The following ESPL1 variants were observed in gnomAD, a reference collection of about 807,000 sequenced individuals.
The protein encoded by ESPL1 is separin.
A neutral mutation model predicts 217.2 loss-of-function variants in ESPL1; 50 were observed. That is an observed-to-expected ratio of 0.23 (90% CI 0.18 to 0.29). The LOEUF is 0.29. ESPL1 is among the 10% of genes least tolerant of loss of function. The pLI, the probability that ESPL1 is intolerant of heterozygous loss-of-function variation, is 1.00. For missense variants in ESPL1, 1,834 were observed against 2,603.0 expected (o/e 0.70, Z 6.43); for synonymous variants, 994 against 1,081.3 (o/e 0.92, Z 1.58).
At chr12:53,271,525 G>A (rs1355571798) in intron 5 of ESPL1, among the ~76,000 whole-genome samples, 1 of 151,942 alleles carries the variant, frequency 6.6e-6, no homozygotes, top group Non-Finnish European at 1.5e-5. Context: ...GCCAGGCAAG[G>A]TGGTGCATGC....
At chr12:53,270,857 G>C in intron 5 of ESPL1, 59 bp downstream of exon 5, 1 of 1,597,120 alleles carries the variant, frequency 6.3e-7, no homozygotes. Context: ...CATTAGGCAG[G>C]TGAATAGTAC....
At position 53,293,612 on chromosome 12, in the gene ESPL1, C is replaced by G; in HGVS notation, c.*138C>G. 3 of 669,830 alleles carry G rather than the reference C, an allele frequency of 4.5e-6. No individual in the cohort carries two copies. Among genetic ancestry groups the G allele is most frequent in the Non-Finnish European group, 7.6e-6 (3 of 392,480 alleles). The allele number at this position is 669,830 out of a possible 1,614,324, so 41.5% of individuals were successfully genotyped here. A position where few individuals can be genotyped will look rare whatever the true frequency, so the allele number is the denominator to read the frequency against. ...GAAACATTTCCTTTTGATTTAACCT[C>G]AGTATAATAAAGATACATCATTTAA... On this transcript the variant is annotated 3_prime_UTR_variant, in exon 31 of 31. Coordinates refer to ENST00000257934, the MANE Select transcript of ESPL1 (RefSeq NM_012291.5). The surrounding 1 kb of genome is among the most constrained non-coding windows in gnomAD (Gnocchi z 4.2).
intron 6 of ESPL1, chr12:53,274,147 C>A (rs1364630761): frequency 6.6e-6 from 1 of 152,220 alleles, no homozygotes; most frequent in Non-Finnish European, 1.5e-5. Context: ...AGCCACCGCG[C>A]TGGGCAAGAA....
rs756195727 is a variant in ESPL1 at position 53,293,429 on chromosome 12, T to A, written c.6318T>A (p.Ile2106=). ...ARQAPRLKYL[I]GAAPIAYGLP... ...AAGCTCCCCGACTCAAGTATCTTAT[T>A]GGGGCTGCACCTATAGCCTATGGCT... The change falls in exon 31 of 31, where the codon ATT becomes ATA. Residue 2106 remains isoleucine, a synonymous_variant. Transcript: ENST00000257934. The surrounding 1 kb of genome is among the most constrained non-coding windows in gnomAD (Gnocchi z 4.2). 23 of 1,614,050 alleles carry A rather than the reference T, an allele frequency of 1.4e-5. No individual in the cohort carries two copies. In the Admixed American group the frequency reaches 3.7e-4, roughly 26 times the overall value.
At position 53,275,059 on chromosome 12, in the gene ESPL1, T is replaced by C. The variant is rs758496811; in HGVS notation, c.1700+49T>C. ...GGCTCATGCTTGTAATCCCAGCACT[T>C]TGGGAAGCCGAGGCGGGTGGATCAC... On this transcript the variant is annotated intron_variant, in intron 7 of 30. Transcript: ENST00000257934. 4 of 1,431,378 alleles carry C rather than the reference T, an allele frequency of 2.8e-6. No homozygotes were observed. In the African/African-American group the frequency reaches 5.8e-5, roughly 21 times the overall value. The allele number at this position is 1,431,378 out of a possible 1,614,324, so 88.7% of individuals were successfully genotyped here. A position where few individuals can be genotyped will look rare whatever the true frequency, so the allele number is the denominator to read the frequency against.
At chr12:53,270,184 G>T in intron 3 of ESPL1, 99 bp downstream of exon 3, 1 of 1,127,224 alleles carries the variant, frequency 8.9e-7, no homozygotes, top group Non-Finnish European at 1.3e-6. Flanking sequence ...CTCCCTCCTT[G>T]TTAAGCTGCT....
chr12:53,283,546 C>T lies in ESPL1; in HGVS notation c.3077+8C>T. 1 of 1,613,252 alleles carries T rather than the reference C, an allele frequency of 6.2e-7. No homozygotes were observed. Among genetic ancestry groups the T allele is most frequent in the Non-Finnish European group, 8.5e-7 (1 of 1,179,576 alleles). The stretch of plus-strand genomic sequence containing the variant: ...GCTGCAGATACCACGCCAGTAAGTA[C>T]AGGGCCAGAGGATATGGCAATGATG... On this transcript the variant is annotated splice_region_variant and intron_variant, in intron 16 of 30. Coordinates refer to ENST00000257934, the MANE Select transcript of ESPL1 (RefSeq NM_012291.5).
chr12:53,281,434 AC>A (rs1425615770), intron 12 of ESPL1, 72 bp from the exon 13 acceptor site: 2 of 1,516,736 alleles, frequency 1.3e-6, no homozygotes, highest in Non-Finnish European at 1.8e-6. Context: ...CCACATGGCC[AC>A]CCTTATTTAC....
At chr12:53,285,010 CAAAAAA>C (rs546915854) in intron 17 of ESPL1, among the ~76,000 whole-genome samples, 40 of 100,470 alleles carry the variant, frequency 4.0e-4, no homozygotes, top group Admixed American at 1.0e-3. Flanking sequence ...GACTCTGACT[CAAAAAA>C]AAAAAAAAAA....
In ESPL1 at chr12:53,277,481, G is replaced by T; in HGVS notation, c.2097G>T (p.Arg699=). The change falls in exon 10 of 31, where the codon CGG becomes CGT. Residue 699 remains arginine (R), a synonymous_variant. Coordinates refer to ENST00000257934, the MANE Select transcript of ESPL1 (RefSeq NM_012291.5). ...LEAKMQEGIE[R]DRRAQAPGNL... is the part of the protein sequence containing the mutation. ...ATCTTCCCATCCAGGGTATCGAGCG[G>T]GATCGGAGAGCCCAGGCCCCTGGTA... The T allele has an allele frequency of 6.2e-7, 1 of 1,614,048 alleles. No individual in the cohort carries two copies. Among genetic ancestry groups the T allele is most frequent in the Non-Finnish European group, 8.5e-7 (1 of 1,179,988 alleles).
Position 53,269,938 on chromosome 12 carries a change from A to C in ESPL1, c.996A>C (p.Pro332=). The stretch of plus-strand genomic sequence containing the variant: ...AGAGTATGGAGGCACCATCACCCCC[A>C]CTTCGGGCATTGTATGAGAGCTGCC... ...LSKSMEAPSP[P]LRALYESCQF... The change falls in exon 3 of 31, where the codon CCA becomes CCC. Residue 332 remains proline, a synonymous_variant. Transcript: ENST00000257934. The surrounding 1 kb of genome is among the most constrained non-coding windows in gnomAD (Gnocchi z 6.7). 1 of 1,614,058 alleles carries C rather than the reference A, an allele frequency of 6.2e-7. No individual in the cohort carries two copies. The highest frequency in any genetic ancestry group is 8.5e-7 in the Non-Finnish European group (1 of 1,180,000).
intron 17 of ESPL1, 46 bp downstream of exon 17, chr12:53,284,213 C>A: frequency 9.6e-7 from 1 of 1,046,672 alleles, no homozygotes; most frequent in Non-Finnish European, 1.5e-6. Flanking sequence ...TGAAATGACA[C>A]ACACTACAGC....
At chr12:53,268,566 G>C (rs1010861378) in intron 1 of ESPL1, among the ~76,000 whole-genome samples, 189 bp downstream of exon 1, 6 of 152,222 alleles carry the variant, frequency 3.9e-5, no homozygotes, top group Admixed American at 3.3e-4. Flanking sequence ...AGTGCGGTCG[G>C]GGATCTGCCC....
chr12:53,277,841 C>G lies in ESPL1; in HGVS notation c.2245C>G (p.Gln749Glu). ...AACAGCTCAGTCCAAATGCCTGGAC[C>G]AAGCCCTGGCCCTGTGGAAGGAGCT... The part of the protein sequence containing the change: ...ADAAQSKCLD[Q>E]ALALWKELLT... Residue 749 changes from glutamine (Q) to glutamate (E), a missense_variant, in exon 11 of 31, where the codon CAA (glutamine) becomes GAA (glutamate). Coordinates refer to ENST00000257934, the MANE Select transcript of ESPL1 (RefSeq NM_012291.5). 6.2e-7 allele frequency: 1 copy of G among 1,614,158 alleles called. No individual in the cohort carries two copies. Among genetic ancestry groups the G allele is most frequent in the East Asian group, 2.2e-5 (1 of 44,886 alleles).
rs948944019 is a variant in ESPL1, at chr12:53,290,488, G to A, written c.5364+19G>A. On this transcript the variant is annotated intron_variant, in intron 24 of 30. Coordinates refer to ENST00000257934, the MANE Select transcript of ESPL1 (RefSeq NM_012291.5). ...GATGGAGGTGTGTGCTTCTGGGGTG[G>A]GGTCAGGCCTGCTCTAGGAATGACC... 6.2e-7 allele frequency: 1 copy of A among 1,611,046 alleles called. No homozygotes were observed. Among genetic ancestry groups the A allele is most frequent in the Non-Finnish European group, 8.5e-7 (1 of 1,178,814 alleles).
Position 53,292,665 on chromosome 12 carries a change from C to T in ESPL1, c.5996+8C>T. On this transcript the variant is annotated splice_region_variant and intron_variant, in intron 29 of 30. Coordinates refer to ENST00000257934, the MANE Select transcript of ESPL1 (RefSeq NM_012291.5). This position sits in a 1 kb window ranked among gnomAD's most constrained non-coding sequence, Gnocchi z 4.5. ...AAAGCATGATTTGTATATGTGAGTG[C>T]TTAAGGCAGGGATGTGGGGAGAGGG... 1 of 1,611,588 alleles carries T rather than the reference C, an allele frequency of 6.2e-7. No individual in the cohort carries two copies. Among genetic ancestry groups the T allele is most frequent in the Non-Finnish European group, 8.5e-7 (1 of 1,178,614 alleles).
chr12:53,292,097 C>T lies in ESPL1; in HGVS notation c.5796+9C>T. 1 of 1,605,300 alleles carries T rather than the reference C, an allele frequency of 6.2e-7. No individual in the cohort carries two copies. The highest frequency in any genetic ancestry group is 8.5e-7 in the Non-Finnish European group (1 of 1,172,044). ...ACTCCATCATCAAAGAGGTGGGGTTCAGGGCGTAGTGTCTGGGGATGACTG... is the reference window on the plus strand; with the variant it reads ...ACTCCATCATCAAAGAGGTGGGGTTTAGGGCGTAGTGTCTGGGGATGACTG... On this transcript the variant is annotated intron_variant, in intron 27 of 30. Coordinates refer to ENST00000257934, the MANE Select transcript of ESPL1 (RefSeq NM_012291.5). The surrounding 1 kb of genome is among the most constrained non-coding windows in gnomAD (Gnocchi z 4.5).
At position 53,290,915 on chromosome 12, in the gene ESPL1, C is replaced by T. The variant is rs143830681; in HGVS notation, c.5439C>T (p.Pro1813=). The T allele has an allele frequency of 1.7e-4, 271 of 1,606,780 alleles. No individual in the cohort carries two copies. The African/African-American group carries it at 3.3e-3, about 19-fold the overall frequency. The change falls in exon 25 of 31, where the codon CCC becomes CCT. Residue 1813 remains proline (P), a synonymous_variant. Transcript: ENST00000257934. ...KGLLLPSSEE[P]GPAQEASRLQ... ...TGCTGCTGCCGTCCAGTGAGGAGCCCGGCCCTGCCCAGGAGGCCTCCCGCC... is the reference window on the plus strand; with the variant it reads ...TGCTGCTGCCGTCCAGTGAGGAGCCTGGCCCTGCCCAGGAGGCCTCCCGCC...
chr12:53,275,045 G>A, intron 7 of ESPL1, 35 bp downstream of exon 7: 1 of 1,475,982 alleles, frequency 6.8e-7, no homozygotes, highest in Non-Finnish European at 9.0e-7. Flanking sequence ...GCTCATGCTT[G>A]TAATCCCAGC....
Sources: gnomAD v4.1 joint callset for allele counts (sites outside exome capture counted in the v4.1 genomes callset) on GRCh38, gnomAD v4.1.1 for gene constraint, Gnocchi (gnomAD v3.1) non-coding constraint, MANE v1.5 for transcripts, NCBI Gene and HGNC (gene_info 2026-07-23, HGNC 2026-07-21) for gene names.